The following FHIP2A variants were observed in gnomAD, a reference collection of about 807,000 sequenced individuals.
FHIP2A encodes the protein family with sequence similarity 160 member B1.
A neutral mutation model predicts 93.5 loss-of-function variants in FHIP2A; 46 were observed. The ratio of observed to expected loss-of-function variants is 0.49; its 90% confidence interval spans 0.39 to 0.63. FHIP2A has a LOEUF of 0.63. Among genes scored for constraint, FHIP2A ranks in the 20% least tolerant of loss-of-function variants. The pLI is 0.00. For synonymous variants in FHIP2A, 332 were observed against 326.5 expected, an observed-to-expected ratio of 1.02 and a Z score of -0.18; for missense variants, 769 against 909.7, an observed-to-expected ratio of 0.85 and a Z score of 1.99.
chr10:114,848,453 A>G (rs903987713), intron 12 of FHIP2A, among the ~76,000 whole-genome samples, 194 bp from the exon 13 acceptor site: 2 of 152,160 alleles, frequency 1.3e-5, no homozygotes, highest in African/African-American at 4.8e-5. Flanking sequence ...AATTAACAAC[A>G]TATAATTTCA....
chr10:114,835,618 A>G lies in FHIP2A; in HGVS notation c.376A>G (p.Ile126Val), dbSNP rs372261542. The G allele has an allele frequency of 4.3e-6, 7 of 1,612,088 alleles. No homozygotes were observed. The highest frequency in any genetic ancestry group is 4.0e-5 in the African/African-American group (3 of 74,922). Reference protein sequence around the residue: ...GRIRQPLLPHINVHRPVQKLI... With the variant: ...GRIRQPLLPHVNVHRPVQKLI... ...AATCCGGCAGCCACTACTTCCACAC[A>G]TTAACGTGCACAGGCCAGTGCAGGT... The change falls in exon 4 of 17, where the codon ATT becomes GTT. Residue 126 changes from isoleucine (I) to valine (V), a missense_variant. By Grantham distance (29) the Ile-to-Val change is conservative (BLOSUM62 3). Coordinates refer to ENST00000369248, the MANE Select transcript of FHIP2A (RefSeq NM_020940.4).
chr10:114,840,052 C>G (rs149610073), intron 5 of FHIP2A, among the ~76,000 whole-genome samples: 1 of 152,078 alleles, frequency 6.6e-6, no homozygotes, highest in Non-Finnish European at 1.5e-5. Context: ...TGGAGAGATT[C>G]ATCAGCTCTA....
intron 3 of FHIP2A, 108 bp downstream of exon 3, chr10:114,833,510 G>A (rs2083620104): frequency 9.4e-7 from 1 of 1,064,848 alleles, no homozygotes; most frequent in African/African-American, 1.6e-5. Context: ...ATTGAACATG[G>A]CAGGATTCAA....
chr10:114,871,108 A>G (rs910858277), intron 16 of FHIP2A, among the ~76,000 whole-genome samples: 22 of 147,106 alleles, frequency 1.5e-4, no homozygotes, highest in African/African-American at 5.0e-4. Flanking sequence ...TGTAATATAT[A>G]TACTGTTATA....
chr10:114,861,560 TG>T lies in FHIP2A; in HGVS notation c.*25del. The stretch of plus-strand genomic sequence containing the variant: ...CCATAAATAACATCTTTCATGTAAC[TG>T]GGGGAACAGAACTACTGTGTACATT... On this transcript the variant is annotated 3_prime_UTR_variant, in exon 17 of 17. Transcript: ENST00000369248. The T allele has an allele frequency of 6.2e-7, 1 of 1,611,042 alleles. No homozygotes were observed. The highest frequency in any genetic ancestry group is 2.2e-5 in the East Asian group (1 of 44,846).
chr10:114,885,792 C>T (rs1041164206), intron 16 of FHIP2A, among the ~76,000 whole-genome samples: 16 of 152,148 alleles, frequency 1.1e-4, no homozygotes, highest in African/African-American at 3.6e-4. Flanking sequence ...TATTGGAAGA[C>T]CCTGTCTCTC....
In FHIP2A at chr10:114,863,485, C is replaced by A; in HGVS notation, c.*1945C>A. ...TATAACTAGTCCATGAAACCAAGCT[C>A]AGAAAAGCTTTAACTCTTATATTTG... On this transcript the variant is annotated 3_prime_UTR_variant, in exon 17 of 17. Coordinates refer to ENST00000369248, the MANE Select transcript of FHIP2A (RefSeq NM_020940.4). 8.9e-7 allele frequency: 1 copy of A among 1,119,792 alleles called. No homozygotes were observed. Among genetic ancestry groups the A allele is most frequent in the Non-Finnish European group, 1.1e-6 (1 of 908,720 alleles). The allele number at this position is 1,119,792 out of a possible 1,614,324, so 69.4% of individuals were successfully genotyped here.
chr10:114,889,333 C>T (rs2083959173), intron 16 of FHIP2A, among the ~76,000 whole-genome samples: 1 of 152,132 alleles, frequency 6.6e-6, no homozygotes, highest in Non-Finnish European at 1.5e-5. Context: ...TAAAATACGC[C>T]TGGGTTACAG....
intron 16 of FHIP2A, among the ~76,000 whole-genome samples, chr10:114,884,638 C>T (rs576368809): frequency 1.1e-3 from 171 of 152,254 alleles, no homozygotes; most frequent in African/African-American, 3.7e-3. Flanking sequence ...TATGGCCGGG[C>T]GCGGTGGCTC....
At chr10:114,894,882 G>A (rs1408492770) in intron 16 of FHIP2A, among the ~76,000 whole-genome samples, 1 of 152,142 alleles carries the variant, frequency 6.6e-6, no homozygotes, top group South Asian at 2.1e-4. Context: ...TATTTTGGAG[G>A]AGAGAGCTTT....
At position 114,864,027 on chromosome 10, in the gene FHIP2A, C is replaced by A; in HGVS notation, c.*2487C>A. The A allele has an allele frequency of 1.0e-6, 1 of 995,376 alleles. No homozygotes were observed. Among genetic ancestry groups the A allele is most frequent in the Non-Finnish European group, 1.2e-6 (1 of 836,234 alleles). 61.7% of individuals were successfully genotyped at this position (995,376 alleles called of 1,614,324 possible). A position where few individuals can be genotyped will look rare whatever the true frequency, so the allele number is the denominator to read the frequency against. ...TCACCTTATAACTATGTAACTTTCT[C>A]GTAATGTATCTGTTTGTGCAATATG... On this transcript the variant is annotated 3_prime_UTR_variant, in exon 17 of 17. Coordinates refer to ENST00000369248, the MANE Select transcript of FHIP2A (RefSeq NM_020940.4).
At chr10:114,835,278 C>T (rs374312268) in intron 3 of FHIP2A, among the ~76,000 whole-genome samples, 2 of 152,238 alleles carry the variant, frequency 1.3e-5, no homozygotes, top group South Asian at 2.1e-4. Flanking sequence ...ATATTATTAC[C>T]GTGCTGTTTG....
At chr10:114,869,487 C>T (rs1015958273), downstream of FHIP2A, among the ~76,000 whole-genome samples, 1 of 152,062 alleles carries the variant, frequency 6.6e-6, no homozygotes, top group African/African-American at 2.4e-5. Flanking sequence ...AGAAAATAGA[C>T]CATCATTTTC....
At chr10:114,841,427 G>A (rs1450534746) in intron 5 of FHIP2A, among the ~76,000 whole-genome samples, 2 of 151,636 alleles carry the variant, frequency 1.3e-5, no homozygotes, top group African/African-American at 4.9e-5. Flanking sequence ...CTGGTAGCTG[G>A]GATTGCAGGC....
intron 16 of FHIP2A, among the ~76,000 whole-genome samples, chr10:114,874,301 A>G (rs1301434421): frequency 6.6e-6 from 1 of 152,190 alleles, no homozygotes; most frequent in African/African-American, 2.4e-5. Flanking sequence ...CTAACAGGTT[A>G]AAGAAGTTAT....
chr10:114,828,625 C>CT (rs938903937), intron 1 of FHIP2A, among the ~76,000 whole-genome samples: 2 of 152,126 alleles, frequency 1.3e-5, no homozygotes, highest in South Asian at 2.1e-4. Context: ...CTGATTAAAA[C>CT]TTTTTTTTAT....
chr10:114,832,159 T>C (rs1384741735), intron 2 of FHIP2A, among the ~76,000 whole-genome samples: 2 of 152,216 alleles, frequency 1.3e-5, no homozygotes, highest in African/African-American at 4.8e-5. Flanking sequence ...AACCTTAGTA[T>C]AATAAGGATG....
intron 16 of FHIP2A, among the ~76,000 whole-genome samples, chr10:114,895,360 G>A (rs916458517): frequency 6.6e-5 from 10 of 152,124 alleles, no homozygotes; most frequent in African/African-American, 2.4e-4. Context: ...GACTATGCCC[G>A]CTTGCTCTAC....
At chr10:114,885,221 C>G (rs536867667) in intron 16 of FHIP2A, among the ~76,000 whole-genome samples, 3 of 152,008 alleles carry the variant, frequency 2.0e-5, no homozygotes, top group African/African-American at 4.8e-5. Context: ...ATGGTGAAAT[C>G]CCGTCTCTAC....
Sources: gnomAD v4.1 joint callset for allele counts (sites outside exome capture counted in the v4.1 genomes callset) on GRCh38, gnomAD v4.1.1 for gene constraint, MANE v1.5 for transcripts, NCBI Gene and HGNC (gene_info 2026-07-23, HGNC 2026-07-21) for gene names.